The following SLCO1C1 variants were observed in gnomAD, a reference collection of about 807,000 sequenced individuals.
The protein encoded by SLCO1C1 is solute carrier organic anion transporter family member 1C1.
Under a neutral mutation model 76.4 loss-of-function variants are expected in SLCO1C1, and 70 were observed. The ratio of observed to expected loss-of-function variants is 0.92; its 90% confidence interval spans 0.76 to 1.12. SLCO1C1 has a LOEUF of 1.12. SLCO1C1 is among the 50% of genes most tolerant of loss of function. The probability of loss-of-function intolerance (pLI) is 0.00; values close to 1 mark genes in which losing one functional copy is unlikely to be tolerated. For synonymous variants in SLCO1C1, 306 were observed against 286.1 expected (o/e 1.07, Z -0.70); for missense variants, 912 against 823.8 (o/e 1.11, Z -1.31).
chr12:20,710,896 C>T (rs1214687289), intron 4 of SLCO1C1, among the ~76,000 whole-genome samples: 2 of 152,002 alleles, frequency 1.3e-5, no homozygotes, highest in East Asian at 3.9e-4. Context: ...CACTAGTTTG[C>T]TTTAAGATGA....
At chr12:20,746,275 CAT>C (rs1394188526) in intron 13 of SLCO1C1, among the ~76,000 whole-genome samples, 1 of 151,988 alleles carries the variant, frequency 6.6e-6, no homozygotes, top group Non-Finnish European at 1.5e-5. Context: ...TATTAAAACA[CAT>C]GAGTTTATAA....
intron 7 of SLCO1C1, among the ~76,000 whole-genome samples, chr12:20,719,738 C>T (rs1592264077): frequency 1.3e-5 from 2 of 152,122 alleles, no homozygotes; most frequent in Non-Finnish European, 1.5e-5. Context: ...TTGAAGCTGG[C>T]GCAAACAGGT....
intron 3 of SLCO1C1, among the ~76,000 whole-genome samples, chr12:20,704,721 T>C (rs1467705589): frequency 2.0e-4 from 18 of 88,680 alleles, no homozygotes; most frequent in Admixed American, 1.7e-3. Flanking sequence ...AATTAGATGA[T>C]TGCTTACAGA....
At position 20,705,949 on chromosome 12, in the gene SLCO1C1, G is replaced by A. The variant is rs1230157448; in HGVS notation, c.272G>A (p.Gly91Glu). Residue 91 changes from glycine to glutamate, a missense_variant and splice_region_variant, in exon 4 of 15, where the codon GGG (glycine) becomes GAG (glutamate). Gly to Glu is a moderately conservative substitution (Grantham distance 98, BLOSUM62 -2). Transcript: ENST00000266509. Reference sequence around the variant, plus strand: ...TGATGTTTTATTCTTTTCCTCAAAGGGAATCTCTTAGTTATAACATTTGTT... The same window carrying A: ...TGATGTTTTATTCTTTTCCTCAAAGAGAATCTCTTAGTTATAACATTTGTT... Reference protein sequence around the residue: ...VGVIDGSFEIGNLLVITFVSY... With the variant: ...VGVIDGSFEIENLLVITFVSY... 6.2e-7 allele frequency: 1 copy of A among 1,612,076 alleles called. No individual in the cohort carries two copies. Among genetic ancestry groups the A allele is most frequent in the African/African-American group, 1.3e-5 (1 of 74,770 alleles).
chr12:20,701,112 C>A (rs1392675113), intron 2 of SLCO1C1, among the ~76,000 whole-genome samples: 1 of 152,004 alleles, frequency 6.6e-6, no homozygotes, highest in Non-Finnish European at 1.5e-5. Flanking sequence ...TTTTAAATTC[C>A]AAGAGAATTT....
chr12:20,747,460 G>A (rs1474608939), intron 13 of SLCO1C1, among the ~76,000 whole-genome samples: 1 of 152,076 alleles, frequency 6.6e-6, no homozygotes, highest in African/African-American at 2.4e-5. Context: ...TGGGGAGAGA[G>A]ATGAAACAGC....
rs1722021499 is a variant in SLCO1C1, at chr12:20,752,240, AC to A, written c.1917-64del. ...AGAAAACCATCAGTATGATATTATT[AC>A]CTTTTAAATTTTCTTTCAAGTTGGT... is the stretch of plus-strand genomic sequence containing the variant. On this transcript the variant is annotated intron_variant, in intron 14 of 14. Coordinates refer to ENST00000266509, the MANE Select transcript of SLCO1C1 (RefSeq NM_017435.5). The A allele has an allele frequency of 2.8e-6, 3 of 1,070,862 alleles. No individual in the cohort carries two copies. The Admixed American group carries it at 7.8e-5, about 28-fold the overall frequency. 66.3% of individuals were successfully genotyped at this position (1,070,862 alleles called of 1,614,324 possible).
chr12:20,727,178 T>A (rs1295358155), intron 9 of SLCO1C1, among the ~76,000 whole-genome samples: 1 of 152,240 alleles, frequency 6.6e-6, no homozygotes, highest in Non-Finnish European at 1.5e-5. Context: ...GCATGTGTCC[T>A]TTTGATAGAA....
At chr12:20,744,583 T>C (rs1948956898) in intron 13 of SLCO1C1, among the ~76,000 whole-genome samples, 1 of 152,068 alleles carries the variant, frequency 6.6e-6, no homozygotes, top group Non-Finnish European at 1.5e-5. Flanking sequence ...TCAAATTAGC[T>C]CATAAATAGA....
In SLCO1C1 at chr12:20,721,787, T is replaced by A. The variant is rs780388948; in HGVS notation, c.776-17T>A. 2 of 1,612,164 alleles carry A rather than the reference T, an allele frequency of 1.2e-6. No individual in the cohort carries two copies. The highest frequency in any genetic ancestry group is 1.3e-5 in the African/African-American group (1 of 74,836). ...CTTTGCTGTTTGTATTACTTAGCCA[T>A]CCCCTCTGTCTTTCAGATCACATAA... On this transcript the variant is annotated splice_polypyrimidine_tract_variant and intron_variant, in intron 7 of 14. Transcript: ENST00000266509.
chr12:20,749,532 A>C (rs1949197050), intron 13 of SLCO1C1, among the ~76,000 whole-genome samples: 2 of 152,328 alleles, frequency 1.3e-5, no homozygotes, highest in South Asian at 4.1e-4. Flanking sequence ...ACAAAATCCC[A>C]AAGTCTACAC....
chr12:20,698,918 G>T lies in SLCO1C1; in HGVS notation c.-25-634G>T, dbSNP rs552811130. Among the ~76,000 whole-genome samples, 152 of 152,056 alleles carry T rather than the reference G, an allele frequency of 1.0e-3. No homozygotes were observed. The South Asian group carries it at 0.011, about 11-fold the overall frequency. ...TGGGAAATTGAGCATGGGAAGCAAGGCTGTCTTTTTTACTTTAAGGCTGAT... is the reference window on the plus strand; with the variant it reads ...TGGGAAATTGAGCATGGGAAGCAAGTCTGTCTTTTTTACTTTAAGGCTGAT... On this transcript the variant is annotated intron_variant, in intron 1 of 14. Coordinates refer to ENST00000266509, the MANE Select transcript of SLCO1C1 (RefSeq NM_017435.5).
chr12:20,720,811 A>T (rs1291312857), intron 7 of SLCO1C1, among the ~76,000 whole-genome samples: 1 of 152,094 alleles, frequency 6.6e-6, no homozygotes, highest in Non-Finnish European at 1.5e-5. Flanking sequence ...TGGCCTGAGC[A>T]GCATGGAGAA....
At position 20,706,027 on chromosome 12, in the gene SLCO1C1, T is replaced by G. The variant is rs538277486; in HGVS notation, c.350T>G (p.Val117Gly). The G allele has an allele frequency of 2.4e-4, 394 of 1,613,472 alleles. 4 individuals carry two copies. In the South Asian group the frequency reaches 3.9e-3, roughly 16 times the overall value. ...HRPKIIGAGC[V>G]IMGVGTLLIA... is the part of the protein sequence containing the mutation. ...CCAAAAATAATTGGAGCAGGGTGTG[T>G]AATCATGGGAGTTGGAACACTGCTC... is the stretch of plus-strand genomic sequence containing the variant. Residue 117 changes from valine to glycine, a missense_variant, in exon 4 of 15, where the codon GTA becomes GGA. Val to Gly is a moderately radical substitution (Grantham distance 109, BLOSUM62 -3). Coordinates refer to ENST00000266509, the MANE Select transcript of SLCO1C1 (RefSeq NM_017435.5).
chr12:20,733,007 T>C lies in SLCO1C1; in HGVS notation c.1285T>C (p.Leu429=), dbSNP rs74471820. ...ISVCGAAKLY[L]GSSVFGYLLF... ...TGTGTGTGGAGCTGCAAAACTCTACTTGGGATCATCTGTCTTTGGTTACCT... is the reference window on the plus strand; with the variant it reads ...TGTGTGTGGAGCTGCAAAACTCTACCTGGGATCATCTGTCTTTGGTTACCT... Residue 429 remains leucine (L), a synonymous_variant, in exon 10 of 15, where the codon TTG becomes CTG. Transcript: ENST00000266509. 1.0e-3 allele frequency: 1,635 copies of C among 1,613,880 alleles called. 14 individuals carry two copies. In the African/African-American group the frequency reaches 0.02, roughly 20 times the overall value.
At chr12:20,699,742 T>C (rs1946429702) in intron 2 of SLCO1C1, 37 bp downstream of exon 2, 1 of 1,578,288 alleles carries the variant, frequency 6.3e-7, no homozygotes, top group African/African-American at 1.4e-5. Context: ...TTGATGCTCT[T>C]AGTTTTCTGT....
At chr12:20,713,367 C>G (rs1403396964) in intron 5 of SLCO1C1, among the ~76,000 whole-genome samples, 1 of 152,142 alleles carries the variant, frequency 6.6e-6, no homozygotes, top group Admixed American at 6.5e-5. Context: ...GCGTGAGCCA[C>G]CGCGCCCGGC....
At chr12:20,702,782 AAAG>A (rs1946583245) in intron 3 of SLCO1C1, among the ~76,000 whole-genome samples, 2 of 151,864 alleles carry the variant, frequency 1.3e-5, no homozygotes, top group African/African-American at 4.8e-5. Flanking sequence ...GGTGCAGATA[AAAG>A]AATAGAGCAG....
chr12:20,723,317 G>C, intron 9 of SLCO1C1, 63 bp downstream of exon 9: 1 of 1,543,056 alleles, frequency 6.5e-7, no homozygotes, highest in Non-Finnish European at 8.7e-7. Flanking sequence ...TGATTAACTC[G>C]GGAATCTTCG....
Sources: gnomAD v4.1 joint callset for allele counts (sites outside exome capture counted in the v4.1 genomes callset) on GRCh38, gnomAD v4.1.1 for gene constraint, MANE v1.5 for transcripts, NCBI Gene and HGNC (gene_info 2026-07-23, HGNC 2026-07-21) for gene names.